DOK7: variants seen among roughly 807,000 people sequenced by gnomAD.
DOK7 encodes the protein protein Dok-7.
A neutral mutation model predicts 30.7 loss-of-function variants in DOK7; 32 were observed. That is an observed-to-expected ratio of 1.04 (90% CI 0.79 to 1.40). The LOEUF (loss-of-function observed/expected upper bound fraction) is 1.40. Among genes scored for constraint, DOK7 ranks in the 40% most tolerant of loss-of-function variants. The probability of loss-of-function intolerance (pLI) is 0.00; values close to 1 mark genes in which losing one functional copy is unlikely to be tolerated. For synonymous variants in DOK7, 447 were observed against 324.1 expected (o/e 1.38, Z -4.07); for missense variants, 1,007 against 699.2 (o/e 1.44, Z -4.97).
At chr4:3,472,788 C>A (rs1331843769) in intron 2 of DOK7, among the ~76,000 whole-genome samples, 1 of 152,228 alleles carries the variant, frequency 6.6e-6, no homozygotes, top group African/African-American at 2.4e-5. Flanking sequence ...AGGTCCCCAG[C>A]AGCCGAGGAA....
chr4:3,500,993 G>GC (rs1373634416), exon 8 of DOK7: 1 of 1,127,318 alleles, frequency 8.9e-7, no homozygotes, highest in African/African-American at 1.6e-5. Flanking sequence ...AGTTTTCAGG[G>GC]CCCACGGCCA....
chr4:3,475,774 C>A (rs1727018612), intron 3 of DOK7, among the ~76,000 whole-genome samples: 2 of 152,138 alleles, frequency 1.3e-5, no homozygotes, highest in Admixed American at 6.5e-5. Context: ...GAGAGAGAGC[C>A]TTCCTGGAGA....
chr4:3,476,469 G>A lies in DOK7; in HGVS notation c.459G>A (p.Lys153=), dbSNP rs1727096629. Residue 153 remains lysine (K), a synonymous_variant, in exon 4 of 7, where the codon AAG becomes AAA. Transcript: ENST00000340083. The part of the protein sequence containing the change: ...DIPPAVTGQW[K]LSDLRRYGAV... ...CCCCGGCTGTCACGGGGCAGTGGAA[G>A]CTGTCTGACCTCCGGCGCTACGGGG... The A allele has an allele frequency of 6.2e-7, 1 of 1,613,772 alleles. No homozygotes were observed. Among genetic ancestry groups the A allele is most frequent in the Non-Finnish European group, 8.5e-7 (1 of 1,180,044 alleles).
intron 5 of DOK7, among the ~76,000 whole-genome samples, chr4:3,487,538 A>T (rs778958290): frequency 6.6e-6 from 1 of 152,196 alleles, no homozygotes; most frequent in Non-Finnish European, 1.5e-5. Flanking sequence ...AGCCAGACCC[A>T]CCAGGAGCAG....
rs762404326 is a variant in DOK7, at chr4:3,463,460, G to A, written c.54+31G>A. 4.2e-6 allele frequency: 6 copies of A among 1,419,708 alleles called. No homozygotes were observed. Among genetic ancestry groups the A allele is most frequent in the East Asian group, 3.0e-5 (1 of 33,744 alleles). The allele number at this position is 1,419,708 out of a possible 1,614,324, so 87.9% of individuals were successfully genotyped here. On this transcript the variant is annotated intron_variant, in intron 1 of 6. Coordinates refer to ENST00000340083, the MANE Select transcript of DOK7 (RefSeq NM_173660.5). ...GGCGCGTCGGGGGCGCGGGGGGGGG[G>A]GGCGCGGGCGCGGGCGGCGGCTCAC...
At chr4:3,490,596 T>C (rs1303341055) in intron 6 of DOK7, among the ~76,000 whole-genome samples, 2 of 30,640 alleles carry the variant, frequency 6.5e-5, no homozygotes, top group Non-Finnish European at 1.1e-4. Flanking sequence ...CATTCCTTCA[T>C]TTCTTCTCTC....
chr4:3,464,135 G>A (rs1031114463), intron 2 of DOK7, among the ~76,000 whole-genome samples: 5 of 152,128 alleles, frequency 3.3e-5, no homozygotes, highest in African/African-American at 4.8e-5. Flanking sequence ...AGCCCAGGCC[G>A]CCTGCAGCGC....
At chr4:3,477,530 G>C (rs1727171057) in intron 4 of DOK7, among the ~76,000 whole-genome samples, 1 of 152,396 alleles carries the variant, frequency 6.6e-6, no homozygotes, top group Non-Finnish European at 1.5e-5. Context: ...GCCACCTTCT[G>C]CGCTGGGCGC....
downstream of DOK7, among the ~76,000 whole-genome samples, chr4:3,498,500 G>C (rs1045322762): frequency 1.3e-5 from 2 of 152,222 alleles, no homozygotes; most frequent in Admixed American, 1.3e-4. Context: ...CCAGGCTGCA[G>C]GGGGGTGTCC....
At position 3,493,516 on chromosome 4, in the gene DOK7, G is replaced by C; in HGVS notation, c.*15G>C. ...CCCCTCCTTGAGAGCCGCAGATCCC[G>C]CCCCGCGGCTGCAAAGGGGCTGAAT... On this transcript the variant is annotated 3_prime_UTR_variant, in exon 7 of 7. Transcript: ENST00000340083. 2 of 1,609,128 alleles carry C rather than the reference G, an allele frequency of 1.2e-6. No individual in the cohort carries two copies. The highest frequency in any genetic ancestry group is 1.1e-5 in the South Asian group (1 of 90,476).
chr4:3,473,825 T>C (rs1726916459), intron 3 of DOK7, among the ~76,000 whole-genome samples, 189 bp downstream of exon 3: 1 of 152,186 alleles, frequency 6.6e-6, no homozygotes, highest in Non-Finnish European at 1.5e-5. Context: ...AGGGGGAGTC[T>C]GCTGGGCTAT....
chr4:3,465,377 C>G (rs891728467), intron 2 of DOK7, among the ~76,000 whole-genome samples: 1 of 152,202 alleles, frequency 6.6e-6, no homozygotes, highest in African/African-American at 2.4e-5. Context: ...GCGCTGGAGA[C>G]CACCTCCCTT....
At chr4:3,480,372 C>G (rs753406942) in intron 4 of DOK7, among the ~76,000 whole-genome samples, 5 of 152,114 alleles carry the variant, frequency 3.3e-5, no homozygotes, top group Non-Finnish European at 5.9e-5. Flanking sequence ...CTTTGGGAGG[C>G]GGAGGTGGGA....
Position 3,489,754 on chromosome 4 carries a change from C to T in DOK7, c.730C>T (p.Arg244Trp), listed in dbSNP as rs140544446. The T allele has an allele frequency of 2.3e-5, 36 of 1,571,116 alleles. No homozygotes were observed. Among genetic ancestry groups the T allele is most frequent in the East Asian group, 1.4e-4 (6 of 42,646 alleles). The change falls in exon 6 of 7, where the codon CGG becomes TGG. Residue 244 changes from arginine to tryptophan, a missense_variant. By Grantham distance (101) the Arg-to-Trp change is moderately radical. Coordinates refer to ENST00000340083, the MANE Select transcript of DOK7 (RefSeq NM_173660.5). ...CCTGGAAACCCTACAGCTGGAGAAG[C>T]GGCTGAGCCTCCTCTCACATGCGGG... ...EALETLQLEKRLSLLSHAGRP... is the reference protein window; with the variant it reads ...EALETLQLEKWLSLLSHAGRP...
intron 2 of DOK7, among the ~76,000 whole-genome samples, chr4:3,466,129 C>A (rs1364049366): frequency 6.6e-6 from 1 of 151,162 alleles, no homozygotes; most frequent in Non-Finnish European, 1.5e-5. Flanking sequence ...GAAGCTGAAA[C>A]TCAGAAACCC....
chr4:3,476,500 C>T lies in DOK7; in HGVS notation c.490C>T (p.Pro164Ser), dbSNP rs142756576. The T allele has an allele frequency of 6.2e-7, 1 of 1,613,806 alleles. No homozygotes were observed. The highest frequency in any genetic ancestry group is 1.3e-5 in the African/African-American group (1 of 74,922). Reference sequence around the variant, plus strand: ...TGACCTCCGGCGCTACGGGGCCGTGCCAAGCGGATTCATCTTTGAAGGCGG... The same window carrying T: ...TGACCTCCGGCGCTACGGGGCCGTGTCAAGCGGATTCATCTTTGAAGGCGG... ...LSDLRRYGAVPSGFIFEGGTR... is the reference protein window; with the variant it reads ...LSDLRRYGAVSSGFIFEGGTR... The change falls in exon 4 of 7, where the codon CCA becomes TCA. Residue 164 changes from proline to serine, a missense_variant. Coordinates refer to ENST00000340083, the MANE Select transcript of DOK7 (RefSeq NM_173660.5).
At chr4:3,491,408 T>TCATTCAC (rs1230972164) in intron 6 of DOK7, among the ~76,000 whole-genome samples, 1 of 46,712 alleles carries the variant, frequency 2.1e-5, no homozygotes, top group Non-Finnish European at 4.7e-5. Context: ...TCACCCCAGC[T>TCATTCAC]TCCTTCTTTC....
chr4:3,482,458 A>G (rs1390790155), intron 4 of DOK7, among the ~76,000 whole-genome samples: 1 of 152,254 alleles, frequency 6.6e-6, no homozygotes, highest in Non-Finnish European at 1.5e-5. Context: ...ATAGGTTCCA[A>G]GAGAGCAGAA....
downstream of DOK7, among the ~76,000 whole-genome samples, chr4:3,496,374 C>T (rs997609669): frequency 2.0e-5 from 3 of 152,256 alleles, no homozygotes; most frequent in Non-Finnish European, 4.4e-5. Context: ...GCAGGGCCCA[C>T]ACCCTCAAGG....
Sources: allele counts gnomAD v4.1 joint callset (sites outside exome capture counted in the v4.1 genomes callset), GRCh38; gene constraint gnomAD v4.1.1; transcripts MANE v1.5; gene names NCBI Gene and HGNC (gene_info 2026-07-23, HGNC 2026-07-21).